The following LRRC4C variants were observed in gnomAD, a reference collection of about 807,000 sequenced individuals.
LRRC4C encodes the protein leucine rich repeat containing 4C, also known as leucine-rich repeat-containing protein 4C.
In LRRC4C, 5 loss-of-function variants were observed where a neutral mutation model predicts 33.6. That is an observed-to-expected ratio of 0.15 (90% confidence interval 0.08 to 0.31). The LOEUF (loss-of-function observed/expected upper bound fraction) is 0.31. Ranked by LOEUF, LRRC4C falls within the 10% of genes least tolerant of loss-of-function variation. LRRC4C has a pLI of 1.00. For missense variants in LRRC4C, 560 were observed against 796.7 expected (o/e 0.70, Z 3.58); for synonymous variants, 329 against 302.0 (o/e 1.09, Z -0.93).
chr11:40,511,943 C>T (rs564787408), intron 3 of LRRC4C, among the ~76,000 whole-genome samples: 3 of 151,958 alleles, frequency 2.0e-5, no homozygotes, highest in Non-Finnish European at 2.9e-5. Flanking sequence ...AAATTACATG[C>T]GTTTTCAGAT....
At chr11:40,273,917 G>T (rs1942896261) in intron 4 of LRRC4C, among the ~76,000 whole-genome samples, 1 of 152,082 alleles carries the variant, frequency 6.6e-6, no homozygotes, top group Non-Finnish European at 1.5e-5. Context: ...GTAGAAACAA[G>T]GTGAGGATTT....
chr11:41,116,149 T>C (rs7124946), intron 1 of LRRC4C, among the ~76,000 whole-genome samples: 53,760 of 152,018 alleles, frequency 0.35, 9,756 homozygotes, highest in Admixed American at 0.43. Context: ...ATATGTATCA[T>C]CAAGAGTAAA....
intron 3 of LRRC4C, among the ~76,000 whole-genome samples, chr11:40,602,711 C>T (rs1441435357): frequency 6.6e-6 from 1 of 152,148 alleles, no homozygotes; most frequent in Non-Finnish European, 1.5e-5. Flanking sequence ...AGGACTGGAT[C>T]TTATAACAAT....
intron 5 of LRRC4C, among the ~76,000 whole-genome samples, chr11:40,202,027 A>G (rs1202328470): frequency 6.6e-6 from 1 of 152,016 alleles, no homozygotes; most frequent in Non-Finnish European, 1.5e-5. Context: ...TTCAAATCTC[A>G]TTTCCTACAC....
At chr11:40,595,063 T>C (rs1959200835) in intron 3 of LRRC4C, among the ~76,000 whole-genome samples, 1 of 152,116 alleles carries the variant, frequency 6.6e-6, no homozygotes, top group Non-Finnish European at 1.5e-5. Context: ...ACTTTATTCA[T>C]TTCCATTTAA....
At chr11:40,257,265 C>A (rs534142443) in intron 4 of LRRC4C, among the ~76,000 whole-genome samples, 47 of 151,972 alleles carry the variant, frequency 3.1e-4, no homozygotes, top group Admixed American at 7.2e-4. Flanking sequence ...GAAGACTAAA[C>A]AAAACAAAAT....
At chr11:40,152,104 C>T (rs1565058665) in intron 5 of LRRC4C, among the ~76,000 whole-genome samples, 1 of 152,028 alleles carries the variant, frequency 6.6e-6, no homozygotes, top group African/African-American at 2.4e-5. Flanking sequence ...CTGCAGGACT[C>T]GAGAGACACC....
chr11:41,125,202 C>G (rs962662450), intron 1 of LRRC4C, among the ~76,000 whole-genome samples: 1 of 152,026 alleles, frequency 6.6e-6, no homozygotes, highest in African/African-American at 2.4e-5. Flanking sequence ...GAAGTGACAA[C>G]CAGAAAGACC....
rs370174710 is a variant in LRRC4C, at chr11:40,649,057, A to G, written c.-406-779T>C. 7.9e-5 allele frequency among the ~76,000 whole-genome samples: 12 copies of G among 152,296 alleles called. No individual in the cohort carries two copies. In the South Asian group the frequency reaches 8.3e-4, roughly 11 times the overall value. ...AACAAAGATCACATGTTTCTGAGGA[A>G]ACAGGACAAAAGGCAAAACAAAACT... is the stretch of plus-strand genomic sequence containing the variant. On this transcript the variant is annotated intron_variant, in intron 2 of 6. Transcript: ENST00000528697.
At chr11:41,011,403 G>A (rs995764734) in intron 1 of LRRC4C, among the ~76,000 whole-genome samples, 3 of 151,988 alleles carry the variant, frequency 2.0e-5, no homozygotes, top group African/African-American at 7.2e-5. Context: ...AATACTAATT[G>A]TTCTAGTGTT....
At chr11:40,929,541 C>A (rs1957527325) in intron 2 of LRRC4C, among the ~76,000 whole-genome samples, 1 of 152,076 alleles carries the variant, frequency 6.6e-6, no homozygotes, top group East Asian at 1.9e-4. Flanking sequence ...CAGTGCTATC[C>A]GTCCATAGTA....
At chr11:41,346,201 T>G (rs539062850) in intron 1 of LRRC4C, among the ~76,000 whole-genome samples, 23 of 152,272 alleles carry the variant, frequency 1.5e-4, no homozygotes, top group Non-Finnish European at 2.1e-4. Context: ...GGAATCGCAG[T>G]GTCAGTCGTT....
At chr11:40,695,934 T>G (rs1445097911) in intron 2 of LRRC4C, among the ~76,000 whole-genome samples, 1 of 151,918 alleles carries the variant, frequency 6.6e-6, no homozygotes, top group African/African-American at 2.4e-5. Flanking sequence ...TTTCAGAGAT[T>G]GGGAAGTAGA....
intron 1 of LRRC4C, among the ~76,000 whole-genome samples, chr11:41,360,723 G>T (rs912878372): frequency 1.3e-5 from 2 of 152,124 alleles, no homozygotes; most frequent in African/African-American, 2.4e-5. Context: ...TTAAACAAAA[G>T]AAATAAGGCC....
intron 2 of LRRC4C, among the ~76,000 whole-genome samples, chr11:40,665,973 T>C (rs1052181355): frequency 6.6e-6 from 1 of 152,172 alleles, no homozygotes; most frequent in African/African-American, 2.4e-5. Context: ...TTTGTGTGTG[T>C]GTATATGTGT....
chr11:40,375,361 C>T (rs998757636), intron 3 of LRRC4C, among the ~76,000 whole-genome samples: 4 of 152,134 alleles, frequency 2.6e-5, no homozygotes, highest in African/African-American at 9.7e-5. Flanking sequence ...AATGAATCTT[C>T]TCTTTAACAG....
intron 1 of LRRC4C, among the ~76,000 whole-genome samples, chr11:41,217,981 T>A (rs1175998864): frequency 6.6e-6 from 1 of 152,186 alleles, no homozygotes; most frequent in East Asian, 1.9e-4. Flanking sequence ...CTGCAAAGTT[T>A]AATTAAATGT....
intron 1 of LRRC4C, among the ~76,000 whole-genome samples, chr11:41,210,501 C>G (rs563075354): frequency 1.3e-5 from 2 of 152,236 alleles, no homozygotes; most frequent in South Asian, 4.2e-4. Context: ...GTCCATTAAA[C>G]CTCTTTTTCT....
At position 40,376,665 on chromosome 11, in the gene LRRC4C, C is replaced by T. The variant is rs568075551; in HGVS notation, c.-269-56944G>A. Among the ~76,000 whole-genome samples, 8 of 152,028 alleles carry T rather than the reference C, an allele frequency of 5.3e-5. No individual in the cohort carries two copies. In the East Asian group the frequency reaches 1.4e-3, roughly 26 times the overall value. ...GTGAGCAGAGGAATTTGCAAGTGTT[C>T]CTTAGCACCCAGAGACAAAACCAGG... On this transcript the variant is annotated intron_variant, in intron 3 of 6. Transcript: ENST00000528697.
Sources: allele counts gnomAD v4.1 joint callset (sites outside exome capture counted in the v4.1 genomes callset), GRCh38; gene constraint gnomAD v4.1.1; transcripts MANE v1.5; gene names NCBI Gene and HGNC (gene_info 2026-07-23, HGNC 2026-07-21).